Variants in GATA2 observed in about 807,000 individuals in gnomAD.
The protein encoded by GATA2 is endothelial transcription factor GATA-2.
A neutral mutation model predicts 35.7 loss-of-function variants in GATA2; 6 were observed. The ratio of observed to expected loss-of-function variants is 0.17; its 90% CI spans 0.09 to 0.33. The LOEUF is 0.33. Ranked by LOEUF, GATA2 falls within the 10% of genes least tolerant of loss-of-function variation. The probability of loss-of-function intolerance (pLI) is 1.00; values close to 1 mark genes in which losing one functional copy is unlikely to be tolerated. For synonymous variants in GATA2, 313 were observed against 274.9 expected (o/e 1.14, Z -1.37); for missense variants, 541 against 656.6 (o/e 0.82, Z 1.92).
At chr3:128,482,952 C>T (rs1197899922) in intron 4 of GATA2, among the ~76,000 whole-genome samples, 1 of 152,194 alleles carries the variant, frequency 6.6e-6, no homozygotes, top group Non-Finnish European at 1.5e-5. Flanking sequence ...AGCCCCAGGC[C>T]CAAGCCTGGT....
Position 128,487,020 on chromosome 3 carries a change from C to A in GATA2, c.12G>T (p.Ala4=). The A allele has an allele frequency of 1.3e-6, 2 of 1,586,942 alleles. No individual in the cohort carries two copies. The highest frequency in any genetic ancestry group is 1.1e-5 in the South Asian group (1 of 87,646). Residue 4 remains alanine, a synonymous_variant, in exon 2 of 6, where the codon GCG becomes GCT. Coordinates refer to ENST00000341105, the MANE Select transcript of GATA2 (RefSeq NM_032638.5). MEV[A]PEQPRWMAHP... is the part of the protein sequence containing the mutation. ...GCGCCATCCAGCGCGGCTGCTCGGG[C>A]GCCACCTCCATGGCCGGCGGCGGCG...
chr3:128,481,079 G>T lies in GATA2; in HGVS notation c.1383C>A (p.Pro461=). ...GGTGGCCGAAGGAGAGGCTGGAGGA[G>T]GGGTGGATGGGCGTCGGAGTGGGCA... The part of the protein sequence containing the change: ...HILPTPTPIH[P]SSSLSFGHPH... The change falls in exon 6 of 6, where the codon CCC becomes CCA. Residue 461 remains proline, a synonymous_variant. Coordinates refer to ENST00000341105, the MANE Select transcript of GATA2 (RefSeq NM_032638.5). The T allele has an allele frequency of 6.2e-7, 1 of 1,607,638 alleles. No homozygotes were observed. Among genetic ancestry groups the T allele is most frequent in the Non-Finnish European group, 8.5e-7 (1 of 1,175,440 alleles).
At position 128,486,105 on chromosome 3, in the gene GATA2, G is replaced by A; in HGVS notation, c.493C>T (p.His165Tyr). 31 of 1,613,454 alleles carry A rather than the reference G, an allele frequency of 1.9e-5. No homozygotes were observed. Among genetic ancestry groups the A allele is most frequent in the Non-Finnish European group, 2.6e-5 (31 of 1,179,876 alleles). ...SVASLTPTAA[H>Y]SGSHLFGFPP... ...AAGCCGAAAAGGTGGGAGCCAGAGT[G>A]GGCTGCTGTAGGGGTGAGGGAGGCC... The change falls in exon 3 of 6, where the codon CAC becomes TAC. Residue 165 changes from histidine to tyrosine, a missense_variant. Physicochemically the swap from His to Tyr is moderately conservative, Grantham distance 83. Transcript: ENST00000341105.
chr3:128,481,454 T>A, intron 5 of GATA2, 136 bp from the exon 6 acceptor site: 3 of 976,016 alleles, frequency 3.1e-6, no homozygotes, highest in Non-Finnish European at 4.8e-6. Flanking sequence ...ACCTTCATAG[T>A]CCCATCACCA....
intron 1 of GATA2, chr3:128,490,783 G>A (rs1182212458): frequency 6.6e-6 from 1 of 152,230 alleles, no homozygotes; most frequent in East Asian, 1.9e-4. Flanking sequence ...AATCTGCTGG[G>A]GTCTTGAGGC....
chr3:128,483,369 T>C lies in GATA2; in HGVS notation c.1017+491A>G, dbSNP rs1388569834. Among the ~76,000 whole-genome samples the C allele has an allele frequency of 2.0e-5, 3 of 152,142 alleles. No individual in the cohort carries two copies. The highest frequency in any genetic ancestry group is 4.4e-5 in the Non-Finnish European group (3 of 68,016). ...CTCCGGCAGGAGATCCGAAAGGGCA[T>C]TTTTTTAAAATCACTCAAATGAAAA... On this transcript the variant is annotated intron_variant, in intron 4 of 5. Transcript: ENST00000341105.
Position 128,486,169 on chromosome 3 carries a change from C to T in GATA2, c.429G>A (p.Gly143=), listed in dbSNP as rs1428333141. 1.3e-6 allele frequency: 2 copies of T among 1,568,564 alleles called. No individual in the cohort carries two copies. Among genetic ancestry groups the T allele is most frequent in the Non-Finnish European group, 1.7e-6 (2 of 1,157,118 alleles). ...GPGGPLSVYP[G]AGGGSGGGSG... ...TGCCTCCCCCGCTCCCACCCCCAGC[C>T]CCTGGGTACACAGAGAGTGGGCCTC... The change falls in exon 3 of 6, where the codon GGG becomes GGA. Residue 143 remains glycine (G), a synonymous_variant. Coordinates refer to ENST00000341105, the MANE Select transcript of GATA2 (RefSeq NM_032638.5).
chr3:128,491,080 G>T (rs2068761979), intron 1 of GATA2, among the ~76,000 whole-genome samples: 1 of 152,054 alleles, frequency 6.6e-6, no homozygotes, highest in Admixed American at 6.6e-5. Flanking sequence ...ATTTGACCTG[G>T]GTGCTTCTGC....
intron 2 of GATA2, 43 bp from the exon 3 acceptor site, chr3:128,486,411 A>G: frequency 6.3e-7 from 1 of 1,577,816 alleles, no homozygotes; most frequent in Non-Finnish European, 8.5e-7. Context: ...CAGAAAGATC[A>G]GGGTAGGCAG....
chr3:128,483,793 T>A (rs2068659910), intron 4 of GATA2, 67 bp downstream of exon 4: 4 of 1,608,024 alleles, frequency 2.5e-6, no homozygotes, highest in Non-Finnish European at 3.4e-6. Flanking sequence ...AGGAGTTTTT[T>A]TCCCCTGTAA....
In GATA2 at chr3:128,484,005, T is replaced by G; in HGVS notation, c.872A>C (p.Glu291Ala). Residue 291 changes from glutamate (E) to alanine (A), a missense_variant and splice_region_variant, in exon 4 of 6, where the codon GAA becomes GCA. Physicochemically the swap from Glu to Ala is moderately radical, Grantham distance 107. Coordinates refer to ENST00000341105, the MANE Select transcript of GATA2 (RefSeq NM_032638.5). Reference sequence around the variant, plus strand: ...CCCACAGTTGACACACTCCCGGCCTTCTGCAGGGGAACAGGGAGAGACACG... The same window carrying G: ...CCCACAGTTGACACACTCCCGGCCTGCTGCAGGGGAACAGGGAGAGACACG... ...KQRSKARSCS[E>A]GRECVNCGAT... 1 of 1,613,234 alleles carries G rather than the reference T, an allele frequency of 6.2e-7. No individual in the cohort carries two copies. The highest frequency in any genetic ancestry group is 8.5e-7 in the Non-Finnish European group (1 of 1,179,946).
In GATA2 at chr3:128,481,786, AGGGGCGGGGTGGCC is replaced by A; in HGVS notation, c.1143+19_1143+32del. On this transcript the variant is annotated intron_variant, in intron 5 of 5. Coordinates refer to ENST00000341105, the MANE Select transcript of GATA2 (RefSeq NM_032638.5). ...GCACAAAGCGCAGAGGTCCCCTGGG[AGGGGCGGGGTGGCC>A]GGGGCGGGGCGCACTCACATTGTGC... 6.4e-7 allele frequency: 1 copy of A among 1,562,620 alleles called. No individual in the cohort carries two copies. The highest frequency in any genetic ancestry group is 1.4e-5 in the African/African-American group (1 of 73,542).
chr3:128,492,201 T>G (rs2068775291), intron 1 of GATA2: 2 of 152,338 alleles, frequency 1.3e-5, no homozygotes, highest in East Asian at 3.9e-4. Context: ...CCCTCGTGGT[T>G]GGAGCAACGC....
At position 128,481,106 on chromosome 3, in the gene GATA2, G is replaced by A. The variant is rs1576744250; in HGVS notation, c.1356C>T (p.Ile452=). Reference sequence around the variant, plus strand: ...GGTGGATGGGCGTCGGAGTGGGCAGGATGTGTCCGGAGTGGCTGAAGGGCG... The same window carrying A: ...GGTGGATGGGCGTCGGAGTGGGCAGAATGTGTCCGGAGTGGCTGAAGGGCG... ...HLPPFSHSGH[I]LPTPTPIHPS... The change falls in exon 6 of 6, where the codon ATC becomes ATT. Residue 452 remains isoleucine (I), a synonymous_variant. Coordinates refer to ENST00000341105, the MANE Select transcript of GATA2 (RefSeq NM_032638.5). The A allele has an allele frequency of 6.2e-7, 1 of 1,613,990 alleles. No individual in the cohort carries two copies. Among genetic ancestry groups the A allele is most frequent in the Non-Finnish European group, 8.5e-7 (1 of 1,179,894 alleles).
At chr3:128,487,190 C>T in intron 1 of GATA2, 114 bp from the exon 2 acceptor site, 1 of 628,796 alleles carries the variant, frequency 1.6e-6, no homozygotes, top group Non-Finnish European at 2.7e-6. Flanking sequence ...CGAGAAAGAG[C>T]ACCAGTCCCG....
At chr3:128,481,793 G>A (rs1247445678) in intron 5 of GATA2, 26 bp downstream of exon 5, 30 of 1,607,080 alleles carry the variant, frequency 1.9e-5, no homozygotes, top group Non-Finnish European at 2.2e-5. Flanking sequence ...GGGAGGGGCG[G>A]GGTGGCCGGG....
chr3:128,492,710 C>G (rs2068792209), intron 1 of GATA2, among the ~76,000 whole-genome samples, 189 bp downstream of exon 1: 1 of 152,166 alleles, frequency 6.6e-6, no homozygotes, highest in Non-Finnish European at 1.5e-5. Flanking sequence ...GCCTGCTGTG[C>G]CCAGGTAACC....
Position 128,481,930 on chromosome 3 carries a change from T to A in GATA2, c.1032A>T (p.Arg344Ser). The change falls in exon 5 of 6, where the codon AGA becomes AGT. Residue 344 changes from arginine to serine, a missense_variant. This residue lies in a region of GATA2 where 19 missense variants were observed against 18.9 expected (regional missense o/e 1.00). Transcript: ENST00000341105. ...KPKRRLSAAR[R>S]AGTCCANCQT... The stretch of plus-strand genomic sequence containing the variant: ...GACAATTTGCACAACAGGTGCCGGC[T>A]CTTCTGGCGGCCGACTGGGAGGGCA... 6.2e-7 allele frequency: 1 copy of A among 1,613,562 alleles called. No homozygotes were observed. Among genetic ancestry groups the A allele is most frequent in the Non-Finnish European group, 8.5e-7 (1 of 1,179,964 alleles).
chr3:128,481,825 C>T lies in GATA2; in HGVS notation c.1137G>A (p.Leu379=), dbSNP rs780382117. 4.3e-6 allele frequency: 7 copies of T among 1,613,812 alleles called. No homozygotes were observed. In the South Asian group the frequency reaches 7.7e-5, roughly 18 times the overall value. ...CGGGGCGGGGCGCACTCACATTGTG[C>T]AGCTTGTAGTAGAGGCCACAGGCGT... ...VCNACGLYYK[L]HNVNRPLTMK... is the part of the protein sequence containing the mutation. Residue 379 remains leucine (L), a synonymous_variant, in exon 5 of 6, where the codon CTG becomes CTA. Coordinates refer to ENST00000341105, the MANE Select transcript of GATA2 (RefSeq NM_032638.5).
Sources: gnomAD v4.1 joint callset for allele counts (sites outside exome capture counted in the v4.1 genomes callset) on GRCh38, gnomAD v4.1.1 for gene constraint, gnomAD v4.1.1 regional missense constraint, MANE v1.5 for transcripts, NCBI Gene and HGNC (gene_info 2026-07-23, HGNC 2026-07-21) for gene names.